The following LOC400499 variants were observed in gnomAD, a reference collection of about 807,000 sequenced individuals.
chr16:11,464,491 G>C, the LOC400499 span, among the ~76,000 whole-genome samples: 1 of 152,200 alleles, frequency 6.6e-6, no homozygotes, highest in Non-Finnish European at 1.5e-5. Context: ...GGCAACCCAC[G>C]ACCCAACCCC....
chr16:11,375,473 C>T, the LOC400499 span, among the ~76,000 whole-genome samples: 1 of 141,790 alleles, frequency 7.1e-6, no homozygotes, highest in East Asian at 2.0e-4. Context: ...ACCACCACTC[C>T]TGGCTAATTT....
chr16:11,459,828 G>T, the LOC400499 span: 2 of 1,248,440 alleles, frequency 1.6e-6, no homozygotes, highest in Non-Finnish European at 2.0e-6. Context: ...GCCATGTGGG[G>T]GTTCCCCAGC....
chr16:11,477,815 A>G, the LOC400499 span: 114,742 of 398,676 alleles, frequency 0.29, 17,909 homozygotes, highest in Admixed American at 0.45. Flanking sequence ...CCCAGGAGCT[A>G]GATACCTGGG....
chr16:11,384,183 C>T, the LOC400499 span: 45 of 1,223,398 alleles, frequency 3.7e-5, no homozygotes, highest in Non-Finnish European at 4.5e-5. Context: ...AGAACCTCAG[C>T]TGGAAGCAGG....
the LOC400499 span, among the ~76,000 whole-genome samples, chr16:11,386,200 G>A: frequency 6.6e-6 from 1 of 152,192 alleles, no homozygotes; most frequent in African/African-American, 2.4e-5. Context: ...CAGATGGCCT[G>A]AGAAGGAGGT....
At chr16:11,493,455 T>A in the LOC400499 span, among the ~76,000 whole-genome samples, 1 of 152,110 alleles carries the variant, frequency 6.6e-6, no homozygotes, top group Non-Finnish European at 1.5e-5. Flanking sequence ...GTGTTTTTGA[T>A]AAATAATCTG....
the LOC400499 span, chr16:11,417,671 G>A: frequency 2.5e-6 from 1 of 399,186 alleles, no homozygotes; most frequent in Non-Finnish European, 4.4e-6. Flanking sequence ...GCCTCGCCTG[G>A]GAACCCTGCC....
the LOC400499 span, chr16:11,446,817 C>A: frequency 6.5e-7 from 1 of 1,536,146 alleles, no homozygotes; most frequent in Non-Finnish European, 8.7e-7. Flanking sequence ...TCAGGACAAC[C>A]CTAGTCTCCA....
chr16:11,440,843 G>C, the LOC400499 span: 21 of 398,984 alleles, frequency 5.3e-5, no homozygotes, highest in Non-Finnish European at 8.8e-5. Flanking sequence ...GGGAAGCTCA[G>C]CTGGGAAGAA....
chr16:11,391,929 C>A, the LOC400499 span: 1 of 828,820 alleles, frequency 1.2e-6, no homozygotes, highest in Non-Finnish European at 1.6e-6. Flanking sequence ...ACCCTCCTGC[C>A]TGGTGAGTGG....
the LOC400499 span, chr16:11,500,833 G>T: frequency 1.6e-3 from 655 of 399,138 alleles, 4 homozygotes; most frequent in East Asian, 0.021. Context: ...GCATCTGTGG[G>T]CTGTGGGAGG....
At chr16:11,471,021 G>A in the LOC400499 span, among the ~76,000 whole-genome samples, 75 of 152,340 alleles carry the variant, frequency 4.9e-4, no homozygotes, top group South Asian at 1.4e-3. Flanking sequence ...GCCAGCAGGG[G>A]CAGGACTGCC....
the LOC400499 span, among the ~76,000 whole-genome samples, chr16:11,514,852 A>T: frequency 5.9e-5 from 9 of 152,222 alleles, no homozygotes; most frequent in Non-Finnish European, 1.2e-4. Context: ...AAAACATTTC[A>T]AACAGCAGAG....
At chr16:11,441,037 G>A in the LOC400499 span, 32 of 398,920 alleles carry the variant, frequency 8.0e-5, no homozygotes, top group African/African-American at 1.4e-4. Context: ...ACAACTTTCC[G>A]GTGGACTTTC....
chr16:11,387,505 C>G, the LOC400499 span, among the ~76,000 whole-genome samples: 1 of 152,154 alleles, frequency 6.6e-6, no homozygotes, highest in Non-Finnish European at 1.5e-5. Context: ...TAGATGATGG[C>G]TGGGGACAGA....
the LOC400499 span, among the ~76,000 whole-genome samples, chr16:11,501,567 A>C: frequency 6.6e-6 from 1 of 152,144 alleles, no homozygotes; most frequent in East Asian, 1.9e-4. Context: ...TATGTTGCCC[A>C]GGCTGGTCTC....
the LOC400499 span, among the ~76,000 whole-genome samples, chr16:11,468,018 G>C: frequency 6.6e-6 from 1 of 152,056 alleles, no homozygotes; most frequent in South Asian, 2.1e-4. Context: ...CCAAGCCAAG[G>C]AGCTCTGGGG....
the LOC400499 span, among the ~76,000 whole-genome samples, chr16:11,408,547 C>G: frequency 6.6e-6 from 1 of 151,038 alleles, no homozygotes; most frequent in Non-Finnish European, 1.5e-5. Flanking sequence ...TTACTGCAGC[C>G]TCAACCTCCT....
the LOC400499 span, among the ~76,000 whole-genome samples, chr16:11,505,445 CTTTTTTTTTTTTTTTT>C: frequency 1.4e-5 from 1 of 71,958 alleles, no homozygotes; most frequent in African/African-American, 5.9e-5. Flanking sequence ...TTTTTCTTTT[CTTTTTTTTTTTTTTTT>C]TTTTTTTTTT....
Sources: allele counts gnomAD v4.1 joint callset (sites outside exome capture counted in the v4.1 genomes callset), GRCh38; gene constraint gnomAD v4.1.1; transcripts MANE v1.5.